NDC1: variants seen among roughly 807,000 people sequenced by gnomAD.
The protein encoded by NDC1 is nucleoporin NDC1.
In NDC1, 24 loss-of-function variants were observed where a neutral mutation model predicts 89.8. The observed-to-expected ratio is 0.27, with a 90% CI of 0.19 to 0.38. The LOEUF is 0.38. NDC1 is among the 10% of genes least tolerant of loss of function. The pLI is 1.00. For missense variants in NDC1, 728 were observed against 797.6 expected (o/e 0.91, Z 1.05); for synonymous variants, 296 against 284.8 (o/e 1.04, Z -0.39).
At chr1:53,775,536 G>C (rs1186835645) in intron 16 of NDC1, among the ~76,000 whole-genome samples, 1 of 152,148 alleles carries the variant, frequency 6.6e-6, no homozygotes, top group Non-Finnish European at 1.5e-5. Context: ...TAGGATTACA[G>C]GCATGAGCTA....
At chr1:53,838,075 T>C in intron 1 of NDC1, 130 bp downstream of exon 1, 2 of 803,062 alleles carry the variant, frequency 2.5e-6, no homozygotes, top group Non-Finnish European at 3.9e-6. Context: ...CCCCAAGTGG[T>C]GCCTTCCCCA....
chr1:53,780,037 T>C (rs1048281494), intron 16 of NDC1, among the ~76,000 whole-genome samples: 2 of 152,174 alleles, frequency 1.3e-5, no homozygotes, highest in Non-Finnish European at 1.5e-5. Flanking sequence ...TCACCTGTCA[T>C]ATGTTCTCTG....
rs202146843 is a variant in NDC1, at chr1:53,800,769, G to C, written c.1146C>G (p.Leu382=). 4.3e-6 allele frequency: 7 copies of C among 1,613,826 alleles called. No individual in the cohort carries two copies. Among genetic ancestry groups the C allele is most frequent in the Middle Eastern group, 1.6e-4 (1 of 6,084 alleles). ...LLNGMTQKLI[L]YQEAAATNGR... is the part of the protein sequence containing the mutation. ...CATTCGTAGCAGCAGCTTCTTGATAGAGAATCAGTTTCTGAGTCATACCAT... is the reference window on the plus strand; with the variant it reads ...CATTCGTAGCAGCAGCTTCTTGATACAGAATCAGTTTCTGAGTCATACCAT... Residue 382 remains leucine (L), a synonymous_variant, in exon 11 of 18, where the codon CTC becomes CTG. Transcript: ENST00000371429.
Position 53,800,752 on chromosome 1 carries a change from G to C in NDC1, c.1163C>G (p.Ala388Gly), listed in dbSNP as rs1647883415. 3.1e-6 allele frequency: 5 copies of C among 1,614,068 alleles called. No homozygotes were observed. The highest frequency in any genetic ancestry group is 4.2e-6 in the Non-Finnish European group (5 of 1,179,946). Residue 388 changes from alanine to glycine, a missense_variant, in exon 11 of 18, where the codon GCT becomes GGT. Transcript: ENST00000371429. ...AGATGAAGACACTCTCCCATTCGTAGCAGCAGCTTCTTGATAGAGAATCAG... is the reference window on the plus strand; with the variant it reads ...AGATGAAGACACTCTCCCATTCGTACCAGCAGCTTCTTGATAGAGAATCAG... The part of the protein sequence containing the change: ...QKLILYQEAA[A>G]TNGRVSSSYP...
intron 14 of NDC1, among the ~76,000 whole-genome samples, chr1:53,791,597 CCTA>C (rs747275526): frequency 6.6e-6 from 1 of 152,134 alleles, no homozygotes; most frequent in Admixed American, 6.6e-5. Flanking sequence ...CCCAATGAAG[CCTA>C]CTAAGTACCA....
intron 6 of NDC1, among the ~76,000 whole-genome samples, chr1:53,816,263 G>A (rs1439033625): frequency 6.6e-6 from 1 of 152,134 alleles, no homozygotes; most frequent in Non-Finnish European, 1.5e-5. Flanking sequence ...ATAGACCAAT[G>A]GAGCAGGATA....
intron 16 of NDC1, among the ~76,000 whole-genome samples, chr1:53,780,227 C>A (rs538773831): frequency 7.9e-5 from 12 of 152,270 alleles, no homozygotes; most frequent in Admixed American, 3.9e-4. Context: ...CGTCCGCCAC[C>A]ACCCCCGGCT....
chr1:53,797,626 T>C (rs556324604), intron 11 of NDC1, among the ~76,000 whole-genome samples: 35 of 152,106 alleles, frequency 2.3e-4, no homozygotes, highest in Non-Finnish European at 3.7e-4. Context: ...TCCTTTTCTT[T>C]TTCTTTCCTT....
chr1:53,789,793 C>T (rs564480057), intron 14 of NDC1, among the ~76,000 whole-genome samples: 62 of 148,154 alleles, frequency 4.2e-4, no homozygotes, highest in Middle Eastern at 6.9e-3. Flanking sequence ...GAGTGAAACT[C>T]CATCTCAAAA....
intron 16 of NDC1, among the ~76,000 whole-genome samples, chr1:53,778,479 A>C (rs1647180052): frequency 6.6e-6 from 1 of 152,128 alleles, no homozygotes; most frequent in Non-Finnish European, 1.5e-5. Flanking sequence ...TTGGACGGGC[A>C]TGGTGGCTCA....
chr1:53,800,609 G>A, intron 11 of NDC1, 84 bp downstream of exon 11: 1 of 1,486,844 alleles, frequency 6.7e-7, no homozygotes, highest in Non-Finnish European at 9.3e-7. Flanking sequence ...ACAGGCGTGA[G>A]CCACAGCGCC....
chr1:53,803,564 AG>A (rs1570197832), intron 10 of NDC1, among the ~76,000 whole-genome samples: 1 of 150,008 alleles, frequency 6.7e-6, no homozygotes, highest in African/African-American at 2.5e-5. Context: ...AAAAACTTTA[AG>A]TTAATTAATT....
intron 16 of NDC1, among the ~76,000 whole-genome samples, chr1:53,780,609 A>G (rs1415272018): frequency 2.6e-5 from 4 of 152,184 alleles, no homozygotes; most frequent in African/African-American, 7.2e-5. Flanking sequence ...TTTGACCTTC[A>G]AGTGACGAGG....
chr1:53,828,082 CATTG>C lies in NDC1; in HGVS notation c.368_371del (p.Ala123GlyfsTer4). On this transcript the variant is annotated frameshift_variant, in exon 4 of 18. Coordinates refer to ENST00000371429, the MANE Select transcript of NDC1 (RefSeq NM_018087.5). LOFTEE classifies it high-confidence loss of function. ...CAGCACACCAGGCCATCACCATTCCCATTGCAGCATGAATAAATGAGTGCATGAG... is the reference window on the plus strand; with the variant it reads ...CAGCACACCAGGCCATCACCATTCCCCAGCATGAATAAATGAGTGCATGAG... The C allele has an allele frequency of 6.2e-7, 1 of 1,614,160 alleles. No individual in the cohort carries two copies.
intron 16 of NDC1, among the ~76,000 whole-genome samples, 187 bp from the exon 17 acceptor site, chr1:53,772,676 CATA>C (rs1647126016): frequency 6.7e-6 from 1 of 148,604 alleles, no homozygotes. Context: ...CATAACATAA[CATA>C]ACATAACATA....
intron 1 of NDC1, among the ~76,000 whole-genome samples, chr1:53,836,538 C>T (rs1355753637): frequency 6.6e-6 from 1 of 151,992 alleles, no homozygotes; most frequent in African/African-American, 2.4e-5. Context: ...GCTCTGTCCC[C>T]CAGGCTAGAT....
intron 4 of NDC1, 85 bp downstream of exon 4, chr1:53,827,914 G>T: frequency 2.0e-6 from 2 of 1,011,844 alleles, no homozygotes; most frequent in Non-Finnish European, 2.7e-6. Context: ...GGAAAGCAAA[G>T]AATACTCATA....
At chr1:53,830,277 A>C (rs1235174469) in intron 3 of NDC1, among the ~76,000 whole-genome samples, 2 of 152,074 alleles carry the variant, frequency 1.3e-5, no homozygotes, top group African/African-American at 4.8e-5. Flanking sequence ...AACATGGTGA[A>C]ACCCCGTCTC....
chr1:53,796,776 A>C lies in NDC1; in HGVS notation c.1497T>G (p.Pro499=), dbSNP rs745399467. 3.4e-5 allele frequency: 54 copies of C among 1,609,740 alleles called. No homozygotes were observed. Among genetic ancestry groups the C allele is most frequent in the Non-Finnish European group, 4.3e-5 (51 of 1,178,970 alleles). Residue 499 remains proline, a synonymous_variant, in exon 13 of 18, where the codon CCT becomes CCG. Coordinates refer to ENST00000371429, the MANE Select transcript of NDC1 (RefSeq NM_018087.5). Reference sequence around the variant, plus strand: ...CAGCACTAATAGAGGTAGATGGAGAAGGATTAGAAAATTCAGTCATTTGCT... The same window carrying C: ...CAGCACTAATAGAGGTAGATGGAGACGGATTAGAAAATTCAGTCATTTGCT... The part of the protein sequence containing the change: ...SDQQMTEFSN[P]SPSTSISAEG...
Sources: gnomAD v4.1 joint callset for allele counts (sites outside exome capture counted in the v4.1 genomes callset) on GRCh38, gnomAD v4.1.1 for gene constraint, MANE v1.5 for transcripts, NCBI Gene and HGNC (gene_info 2026-07-23, HGNC 2026-07-21) for gene names.